Variants in UBE2R2 observed in about 807,000 individuals in gnomAD.
The protein encoded by UBE2R2 is ubiquitin conjugating enzyme E2 R2, also known as ubiquitin-conjugating enzyme E2 R2.
UBE2R2 carries 1 observed loss-of-function variant against 27.8 expected under a neutral mutation model. The observed-to-expected ratio is 0.04, with a 90% CI of 0.01 to 0.17. The LOEUF (loss-of-function observed/expected upper bound fraction) is 0.17. Ranked by LOEUF, UBE2R2 falls within the 10% of genes least tolerant of loss-of-function variation. The probability of loss-of-function intolerance (pLI) is 1.00; values close to 1 mark genes in which losing one functional copy is unlikely to be tolerated. For synonymous variants in UBE2R2, 106 were observed against 113.3 expected, an observed-to-expected ratio of 0.94 and a Z score of 0.41; for missense variants, 100 against 291.0, an observed-to-expected ratio of 0.34 and a Z score of 4.78.
intron 1 of UBE2R2, among the ~76,000 whole-genome samples, chr9:33,859,636 C>G (rs1587450360): frequency 6.6e-6 from 1 of 151,940 alleles, no homozygotes; most frequent in Non-Finnish European, 1.5e-5. Flanking sequence ...ACGTTAGGAG[C>G]CTTGAGACTT....
chr9:33,846,793 A>G (rs1185562169), intron 1 of UBE2R2, among the ~76,000 whole-genome samples: 2 of 152,166 alleles, frequency 1.3e-5, no homozygotes, highest in Admixed American at 1.3e-4. Context: ...TGAGTTTTAT[A>G]TAGTTTTTAT....
intron 1 of UBE2R2, among the ~76,000 whole-genome samples, chr9:33,870,140 C>G (rs1380929835): frequency 6.6e-6 from 1 of 151,566 alleles, no homozygotes; most frequent in Non-Finnish European, 1.5e-5. Context: ...CCACTGTGCC[C>G]AGCCTTATTT....
chr9:33,859,128 G>T (rs1411120973), intron 1 of UBE2R2, among the ~76,000 whole-genome samples: 1 of 152,068 alleles, frequency 6.6e-6, no homozygotes, highest in Non-Finnish European at 1.5e-5. Flanking sequence ...CCGGCCGGAA[G>T]AGTTCATTTT....
At chr9:33,874,200 G>C (rs562296885) in intron 1 of UBE2R2, among the ~76,000 whole-genome samples, 2 of 151,968 alleles carry the variant, frequency 1.3e-5, no homozygotes, top group African/African-American at 4.8e-5. Flanking sequence ...TGCCTGCCTC[G>C]GGCTCCCAAA....
At chr9:33,853,288 C>CTTTTTTT (rs71506143) in intron 1 of UBE2R2, among the ~76,000 whole-genome samples, 6 of 115,360 alleles carry the variant, frequency 5.2e-5, no homozygotes, top group African/African-American at 6.7e-5. Context: ...TTTTCTCTCT[C>CTTTTTTT]TTTTTTTTTT....
chr9:33,896,793 C>T (rs977596637), intron 2 of UBE2R2, among the ~76,000 whole-genome samples: 2 of 151,782 alleles, frequency 1.3e-5, no homozygotes, highest in Non-Finnish European at 2.9e-5. Flanking sequence ...AAGATAATTC[C>T]CATCTATTCA....
chr9:33,826,047 G>T (rs563870236), intron 1 of UBE2R2, among the ~76,000 whole-genome samples: 3 of 152,022 alleles, frequency 2.0e-5, no homozygotes, highest in Admixed American at 1.3e-4. Context: ...GGAGGCTGAG[G>T]CAGGAGAATC....
chr9:33,841,916 C>A (rs1003603884), intron 1 of UBE2R2, among the ~76,000 whole-genome samples: 3 of 152,088 alleles, frequency 2.0e-5, no homozygotes, highest in Non-Finnish European at 4.4e-5. Context: ...GTCCTCATCA[C>A]CCCCCGACAT....
At chr9:33,911,427 A>AC in intron 3 of UBE2R2, among the ~76,000 whole-genome samples, 1 of 148,292 alleles carries the variant, frequency 6.7e-6, no homozygotes. Context: ...AAAAAAAAAA[A>AC]AAAAAAAACC....
chr9:33,867,425 ATATT>A (rs771571268), intron 1 of UBE2R2, among the ~76,000 whole-genome samples: 16 of 152,038 alleles, frequency 1.1e-4, no homozygotes, highest in African/African-American at 3.6e-4. Context: ...TTTGGTGAAA[ATATT>A]TATTAAGGAG....
chr9:33,833,440 T>G (rs1820542599), intron 1 of UBE2R2, among the ~76,000 whole-genome samples: 2 of 152,220 alleles, frequency 1.3e-5, no homozygotes, highest in South Asian at 4.1e-4. Context: ...GTGATCCACC[T>G]GCCTCGGCCT....
At chr9:33,819,751 G>A (rs1825934572) in intron 1 of UBE2R2, among the ~76,000 whole-genome samples, 1 of 151,796 alleles carries the variant, frequency 6.6e-6, no homozygotes, top group Non-Finnish European at 1.5e-5. Flanking sequence ...CTATTCTCCT[G>A]CCTCAGCCTC....
chr9:33,815,794 G>T (rs1322626031), upstream of UBE2R2, among the ~76,000 whole-genome samples: 1 of 152,120 alleles, frequency 6.6e-6, no homozygotes, highest in Non-Finnish European at 1.5e-5. Context: ...ATGCCTTAAA[G>T]TTTTTTTCTT....
chr9:33,854,551 A>T (rs1345952211), intron 1 of UBE2R2, among the ~76,000 whole-genome samples: 2 of 151,476 alleles, frequency 1.3e-5, no homozygotes, highest in Non-Finnish European at 2.9e-5. Context: ...TGAACTCCTG[A>T]CTTTACGTGA....
chr9:33,919,881 CTGTG>C lies in UBE2R2; in HGVS notation c.*2646_*2649del, dbSNP rs1822764815. On this transcript the variant is annotated 3_prime_UTR_variant, in exon 5 of 5. Coordinates refer to ENST00000263228, the MANE Select transcript of UBE2R2 (RefSeq NM_017811.4). ...AGGCCTCACTAGATGCTCTTCAGTT[CTGTG>C]TATTTTGAGGCTGGGTGGAGAAGTA... 1.3e-5 allele frequency: 2 copies of C among 152,114 alleles called. No homozygotes were observed. The highest frequency in any genetic ancestry group is 6.5e-5 in the Admixed American group (1 of 15,268). 9.4% of individuals were successfully genotyped at this position (152,114 alleles called of 1,614,324 possible). A position where few individuals can be genotyped will look rare whatever the true frequency, so the allele number is the denominator to read the frequency against.
At chr9:33,899,277 G>C (rs957009702) in intron 2 of UBE2R2, among the ~76,000 whole-genome samples, 12 of 152,196 alleles carry the variant, frequency 7.9e-5, no homozygotes, top group Admixed American at 4.6e-4. Flanking sequence ...TTGGCTCACT[G>C]CAACCTCCGC....
At chr9:33,823,015 G>T (rs182662416) in intron 1 of UBE2R2, among the ~76,000 whole-genome samples, 1 of 146,560 alleles carries the variant, frequency 6.8e-6, no homozygotes, top group Non-Finnish European at 1.5e-5. Flanking sequence ...AGCAGTTCTC[G>T]TGCCTCAGCC....
chr9:33,883,937 G>C (rs893799764), intron 1 of UBE2R2, among the ~76,000 whole-genome samples: 3 of 151,884 alleles, frequency 2.0e-5, no homozygotes, highest in Non-Finnish European at 2.9e-5. Context: ...CCGAGGCGTG[G>C]GGATTGCTTG....
intron 1 of UBE2R2, among the ~76,000 whole-genome samples, chr9:33,848,047 G>A (rs1168254421): frequency 2.6e-5 from 4 of 151,944 alleles, no homozygotes; most frequent in African/African-American, 4.8e-5. Flanking sequence ...GAGCCACTGC[G>A]CCTGGCCTGT....
Sources: allele counts gnomAD v4.1 joint callset (sites outside exome capture counted in the v4.1 genomes callset), GRCh38; gene constraint gnomAD v4.1.1; transcripts MANE v1.5; gene names NCBI Gene and HGNC (gene_info 2026-07-23, HGNC 2026-07-21).